MAP2: variants seen among roughly 807,000 people sequenced by gnomAD.
The protein encoded by MAP2 is microtubule-associated protein 2.
Under a neutral mutation model 137.6 loss-of-function variants are expected in MAP2, and 14 were observed. The observed-to-expected ratio is 0.10, with a 90% CI of 0.07 to 0.16. The LOEUF (loss-of-function observed/expected upper bound fraction) is 0.16, where lower values mean the gene tolerates loss of function less well. MAP2 is among the 10% of genes least tolerant of loss of function. The probability of loss-of-function intolerance (pLI) is 1.00; values close to 1 mark genes in which losing one functional copy is unlikely to be tolerated. For missense variants in MAP2, 2,088 were observed against 2,191.5 expected (o/e 0.95, Z 0.94); for synonymous variants, 786 against 782.3 (o/e 1.00, Z -0.08).
At chr2:209,685,284 A>G (rs2056583670) in intron 7 of MAP2, among the ~76,000 whole-genome samples, 2 of 152,306 alleles carry the variant, frequency 1.3e-5, no homozygotes, top group South Asian at 2.1e-4. Flanking sequence ...TTAAGAAAAA[A>G]AATCTTACAA....
At chr2:209,435,931 A>T (rs984869956) in intron 1 of MAP2, among the ~76,000 whole-genome samples, 1 of 78,816 alleles carries the variant, frequency 1.3e-5, no homozygotes, top group African/African-American at 3.3e-5. Flanking sequence ...TATATATATT[A>T]TATATATAAT....
chr2:209,720,347 A>C (rs1210105652), intron 13 of MAP2, among the ~76,000 whole-genome samples: 1 of 152,210 alleles, frequency 6.6e-6, no homozygotes, highest in Non-Finnish European at 1.5e-5. Flanking sequence ...TAAAAATTTT[A>C]CTTGAAATAG....
intron 1 of MAP2, among the ~76,000 whole-genome samples, chr2:209,441,707 T>C (rs1697828262): frequency 6.6e-6 from 1 of 151,580 alleles, no homozygotes; most frequent in South Asian, 2.1e-4. Flanking sequence ...GGGAGGGAAG[T>C]GATTTGCAAG....
At chr2:209,441,798 G>A (rs1462137318) in intron 1 of MAP2, among the ~76,000 whole-genome samples, 1 of 151,486 alleles carries the variant, frequency 6.6e-6, no homozygotes, top group Non-Finnish European at 1.5e-5. Context: ...CAGTTCTGCT[G>A]GGCCTGAATC....
At position 209,696,263 on chromosome 2, in the gene MAP2, A is replaced by G. The variant is rs762601184; in HGVS notation, c.4093A>G (p.Lys1365Glu). Reference sequence around the variant, plus strand: ...AGAAGAGGTTGCACTTTCTGAATATAAGACAGAAACCTATGACGATTACAA... The same window carrying G: ...AGAAGAGGTTGCACTTTCTGAATATGAGACAGAAACCTATGACGATTACAA... ...EREEVALSEY[K>E]TETYDDYKDE... The change falls in exon 8 of 16, where the codon AAG becomes GAG. Residue 1365 changes from lysine (K) to glutamate (E), a missense_variant. Lys to Glu is a moderately conservative substitution (Grantham distance 56). Around this residue, in one of 6 missense-constraint regions of MAP2, gnomAD observed 591 missense variants for 642.6 expected, o/e 0.92. Coordinates refer to ENST00000682079, the MANE Select transcript of MAP2 (RefSeq NM_001375505.1). 1.9e-6 allele frequency: 3 copies of G among 1,611,254 alleles called. No homozygotes were observed. The highest frequency in any genetic ancestry group is 1.1e-5 in the South Asian group (1 of 90,628).
intron 10 of MAP2, among the ~76,000 whole-genome samples, chr2:209,698,991 T>A (rs1296072899): frequency 6.6e-6 from 1 of 152,218 alleles, no homozygotes; most frequent in Non-Finnish European, 1.5e-5. Context: ...TAAAGTAAAT[T>A]GTGTTTTTAT....
chr2:209,514,498 A>G (rs2150310938), intron 2 of MAP2, among the ~76,000 whole-genome samples: 1 of 152,228 alleles, frequency 6.6e-6, no homozygotes, highest in Non-Finnish European at 1.5e-5. Context: ...TGACCAGCTA[A>G]TCTTTATTCT....
At chr2:209,634,478 C>T (rs77857712) in intron 4 of MAP2, among the ~76,000 whole-genome samples, 1,741 of 152,048 alleles carry the variant, frequency 0.011, 33 homozygotes, top group African/African-American at 0.04. Context: ...CTTCATCCAG[C>T]GAGTGGAAGG....
At chr2:209,586,859 G>A (rs191656956) in intron 3 of MAP2, among the ~76,000 whole-genome samples, 6 of 152,270 alleles carry the variant, frequency 3.9e-5, no homozygotes, top group African/African-American at 1.4e-4. Context: ...TGGAGGAGTG[G>A]TTGGTGAGCA....
chr2:209,608,977 ATATATTCT>A (rs2085801829), intron 3 of MAP2, among the ~76,000 whole-genome samples: 1 of 152,030 alleles, frequency 6.6e-6, no homozygotes, highest in South Asian at 2.1e-4. Flanking sequence ...ATTGAATGTA[ATATATTCT>A]CTGATTCACA....
rs536845591 is a variant in MAP2, at chr2:209,661,060, A to G, written c.262+7628A>G. On this transcript the variant is annotated intron_variant, in intron 5 of 15. Coordinates refer to ENST00000682079, the MANE Select transcript of MAP2 (RefSeq NM_001375505.1). ...CACCCGGCCTGTTGCTGCAATTATTAAGTTTGAAAACACATGAAGGAAAAG... is the reference window on the plus strand; with the variant it reads ...CACCCGGCCTGTTGCTGCAATTATTGAGTTTGAAAACACATGAAGGAAAAG... 8.5e-5 allele frequency among the ~76,000 whole-genome samples: 13 copies of G among 152,110 alleles called. No individual in the cohort carries two copies. The East Asian group carries it at 2.1e-3, about 25-fold the overall frequency.
At chr2:209,535,979 G>A (rs927576301) in intron 2 of MAP2, among the ~76,000 whole-genome samples, 8 of 152,062 alleles carry the variant, frequency 5.3e-5, no homozygotes, top group Non-Finnish European at 1.2e-4. Context: ...TGTAAACCTA[G>A]AATGAATTTT....
At chr2:209,471,607 A>C (rs34210024) in intron 1 of MAP2, among the ~76,000 whole-genome samples, 4,590 of 152,174 alleles carry the variant, frequency 0.03, 86 homozygotes, top group South Asian at 0.068. Flanking sequence ...TTTTTAACCT[A>C]GTACTTAAAT....
At chr2:209,430,586 G>T (rs1693990636) in intron 1 of MAP2, among the ~76,000 whole-genome samples, 1 of 151,970 alleles carries the variant, frequency 6.6e-6, no homozygotes, top group South Asian at 2.1e-4. Context: ...TTTTCTGTTT[G>T]GATTAAGATA....
At chr2:209,492,560 C>T (rs994891767) in intron 1 of MAP2, among the ~76,000 whole-genome samples, 1 of 152,178 alleles carries the variant, frequency 6.6e-6, no homozygotes, top group Non-Finnish European at 1.5e-5. Flanking sequence ...GGCCCAAAAT[C>T]TCCTTAAGAT....
At chr2:209,702,391 C>G (rs2062009011) in intron 11 of MAP2, among the ~76,000 whole-genome samples, 1 of 151,914 alleles carries the variant, frequency 6.6e-6, no homozygotes. Context: ...TTTTCTAAAA[C>G]CCCGAGTAAC....
intron 3 of MAP2, among the ~76,000 whole-genome samples, chr2:209,585,950 C>T (rs1387220761): frequency 2.0e-5 from 3 of 152,096 alleles, no homozygotes; most frequent in Non-Finnish European, 2.9e-5. Flanking sequence ...TCTCTGATGT[C>T]GATTCTATTA....
At chr2:209,668,515 TAC>T (rs1277056583) in intron 5 of MAP2, among the ~76,000 whole-genome samples, 1 of 152,038 alleles carries the variant, frequency 6.6e-6, no homozygotes, top group Non-Finnish European at 1.5e-5. Flanking sequence ...CATTTATCAA[TAC>T]AGAGTCTAAA....
intron 3 of MAP2, among the ~76,000 whole-genome samples, chr2:209,593,614 C>T (rs1201312466): frequency 3.4e-3 from 24 of 7,046 alleles, no homozygotes; most frequent in African/African-American, 5.7e-3. Context: ...AAGACCCTGT[C>T]TCTACAAAAA....
Sources: allele counts gnomAD v4.1 joint callset (sites outside exome capture counted in the v4.1 genomes callset), GRCh38; gene constraint gnomAD v4.1.1; regional missense constraint gnomAD v4.1.1; transcripts MANE v1.5; gene names NCBI Gene and HGNC (gene_info 2026-07-23, HGNC 2026-07-21).